The following PFKFB3 variants were observed in gnomAD, a reference collection of about 807,000 sequenced individuals.
PFKFB3 encodes 6-phosphofructo-2-kinase/fructose-2,6-bisphosphatase 3.
PFKFB3 carries 33 observed loss-of-function variants against 68.0 expected under a neutral mutation model. The observed-to-expected ratio is 0.49, with a 90% CI of 0.37 to 0.65. The LOEUF (loss-of-function observed/expected upper bound fraction) is 0.65. Ranked by LOEUF, PFKFB3 falls within the 30% of genes least tolerant of loss-of-function variation. PFKFB3 has a pLI of 0.00. For synonymous variants in PFKFB3, 315 were observed against 288.2 expected (o/e 1.09, Z -0.94); for missense variants, 586 against 712.2 (o/e 0.82, Z 2.02).
intron 1 of PFKFB3, among the ~76,000 whole-genome samples, chr10:6,148,328 G>C (rs1285522002): frequency 6.6e-6 from 1 of 152,236 alleles, no homozygotes; most frequent in African/African-American, 2.4e-5. Flanking sequence ...GGAGCCAGAG[G>C]GACTTAGACC....
In PFKFB3 at chr10:6,155,474, G is replaced by C. The variant is rs34121092; in HGVS notation, c.16+10461G>C. ...CCGTCTCAGCCTCCCAAAGTGCTGG[G>C]ATTACAGGCGTGAGCCACCGCACCT... is the stretch of plus-strand genomic sequence containing the variant. On this transcript the variant is annotated intron_variant, in intron 1 of 14. Transcript: ENST00000379789. Among the ~76,000 whole-genome samples the C allele has an allele frequency of 5.1e-3, 780 of 152,240 alleles. 13 individuals carry two copies. The highest frequency in any genetic ancestry group is 6.1e-3 in the Non-Finnish European group (413 of 67,998).
intron 1 of PFKFB3, among the ~76,000 whole-genome samples, chr10:6,212,270 C>T (rs1844281358): frequency 6.6e-6 from 1 of 152,240 alleles, no homozygotes; most frequent in South Asian, 2.1e-4. Flanking sequence ...CTCCCAGGGC[C>T]AGGCGACAGC....
chr10:6,154,568 A>G lies in PFKFB3; in HGVS notation c.16+9555A>G, dbSNP rs977945755. On this transcript the variant is annotated intron_variant, in intron 1 of 14. Coordinates refer to the PFKFB3 transcript ENST00000379789. The surrounding 1 kb of genome is among the most constrained non-coding windows in gnomAD (Gnocchi z 4.6). ...TGGTGGGCTGAATTAACGTGACACC[A>G]TAAAACGTCTCCGCCACGGGTGGCT... is the stretch of plus-strand genomic sequence containing the variant. Among the ~76,000 whole-genome samples the G allele has an allele frequency of 2.6e-5, 4 of 152,152 alleles. No homozygotes were observed. Among genetic ancestry groups the G allele is most frequent in the African/African-American group, 9.7e-5 (4 of 41,436 alleles).
At chr10:6,298,993 A>T in the PFKFB3 span, among the ~76,000 whole-genome samples, 1 of 152,216 alleles carries the variant, frequency 6.6e-6, no homozygotes, top group East Asian at 1.9e-4. Context: ...ATGCTGGTGC[A>T]TCCTGATTTC....
intron 6 of PFKFB3, among the ~76,000 whole-genome samples, chr10:6,218,358 A>T (rs36147125): frequency 0.1 from 14,172 of 137,564 alleles, 960 homozygotes; most frequent in East Asian, 0.26. Flanking sequence ...TTTTTTTTTT[A>T]AATTGTGGTA....
At chr10:6,147,764 C>T (rs773419416) in intron 1 of PFKFB3, among the ~76,000 whole-genome samples, 8 of 151,062 alleles carry the variant, frequency 5.3e-5, no homozygotes, top group Admixed American at 3.9e-4. Flanking sequence ...GGGAGCCTGA[C>T]GGGGTGGTCC....
chr10:6,172,641 A>T (rs557003518), intron 1 of PFKFB3, among the ~76,000 whole-genome samples: 1 of 152,076 alleles, frequency 6.6e-6, no homozygotes, highest in East Asian at 1.9e-4. Flanking sequence ...GAGCAACATG[A>T]TGAGACCCCA....
chr10:6,167,339 T>C (rs1447738641), intron 1 of PFKFB3, among the ~76,000 whole-genome samples: 1 of 152,220 alleles, frequency 6.6e-6, no homozygotes, highest in Non-Finnish European at 1.5e-5. Context: ...CGGTCCTCAG[T>C]GTCTGTCTGA....
At chr10:6,201,984 C>T (rs2131853266), upstream of PFKFB3, among the ~76,000 whole-genome samples, 1 of 152,332 alleles carries the variant, frequency 6.6e-6, no homozygotes, top group Middle Eastern at 3.4e-3. The surrounding 1 kb of genome is among the most constrained non-coding windows in gnomAD (Gnocchi z 4.1). Flanking sequence ...GCAGGGTGTG[C>T]AGGATAACGG....
intron 8 of PFKFB3, 108 bp from the exon 9 acceptor site, chr10:6,221,273 G>C: frequency 1.5e-6 from 2 of 1,368,110 alleles, no homozygotes; most frequent in Non-Finnish European, 9.9e-7. Flanking sequence ...GGGCCCCCAC[G>C]GTGTAACCAG....
At chr10:6,198,245 CA>C (rs58649656), upstream of PFKFB3, among the ~76,000 whole-genome samples, 75,480 of 114,184 alleles carry the variant, frequency 0.66, 24,882 homozygotes, top group Middle Eastern at 0.79. Flanking sequence ...GACTCCGTCT[CA>C]AAAAAAAAAA....
chr10:6,228,629 C>T lies in PFKFB3; in HGVS notation c.1515+2264C>T, dbSNP rs561214850. On this transcript the variant is annotated intron_variant, in intron 14 of 14. Transcript: ENST00000379775. This position sits in a 1 kb window ranked among gnomAD's most constrained non-coding sequence, Gnocchi z 4.5. ...AGCCCCCTCCTGCCCCAGGAGTGTC[C>T]TTTGTTTTGGAAGGAAAACTTACTC... 6.6e-6 allele frequency among the ~76,000 whole-genome samples: 1 copy of T among 152,260 alleles called. No homozygotes were observed. Among genetic ancestry groups the T allele is most frequent in the Non-Finnish European group, 1.5e-5 (1 of 68,032 alleles).
chr10:6,323,768 C>G, the PFKFB3 span, among the ~76,000 whole-genome samples: 1 of 152,142 alleles, frequency 6.6e-6, no homozygotes, highest in African/African-American at 2.4e-5. Context: ...CATGTATTGG[C>G]CGAGATGTAG....
In PFKFB3 at chr10:6,220,674, A is replaced by C. The variant is rs763272837; in HGVS notation, c.640A>C (p.Lys214Gln). ...TCTCTGCAGGGACTTGTCGCTGATC[A>C]AGGTGATTGACGTGGGCCGGAGGTT... is the stretch of plus-strand genomic sequence containing the variant. ...DKCDRDLSLI[K>Q]VIDVGRRFLV... The change falls in exon 8 of 15, where the codon AAG becomes CAG. Residue 214 changes from lysine to glutamine, a missense_variant. Physicochemically the swap from Lys to Gln is moderately conservative, Grantham distance 53. Coordinates refer to ENST00000379775, the MANE Select transcript of PFKFB3 (RefSeq NM_004566.4). The surrounding 1 kb of genome is among the most constrained non-coding windows in gnomAD (Gnocchi z 4.1). 18 of 1,613,682 alleles carry C rather than the reference A, an allele frequency of 1.1e-5. No individual in the cohort carries two copies. Among genetic ancestry groups the C allele is most frequent in the Non-Finnish European group, 1.5e-5 (18 of 1,179,974 alleles).
the PFKFB3 span, among the ~76,000 whole-genome samples, chr10:6,295,442 C>T: frequency 6.6e-6 from 1 of 151,994 alleles, no homozygotes; most frequent in Non-Finnish European, 1.5e-5. Context: ...CCAGGCTGGT[C>T]TTGAACTCCT....
intron 1 of PFKFB3, among the ~76,000 whole-genome samples, chr10:6,155,572 C>A (rs539118075): frequency 4.9e-4 from 75 of 152,260 alleles, no homozygotes; most frequent in African/African-American, 1.7e-3. Context: ...TCTGTCCTTC[C>A]TCCGTTTCCA....
At position 6,215,379 on chromosome 10, in the gene PFKFB3, G is replaced by A. The variant is rs1844502976; in HGVS notation, c.299+62G>A. 1.5e-6 allele frequency: 2 copies of A among 1,303,758 alleles called. No homozygotes were observed. The highest frequency in any genetic ancestry group is 1.5e-5 in the African/African-American group (1 of 68,520). 80.8% of individuals were successfully genotyped at this position (1,303,758 alleles called of 1,614,324 possible). ...GAATAAGGCTGGGCCGCGGGCATAA[G>A]GCTGGGCTGCAGGAGTAAGGCTGGG... On this transcript the variant is annotated intron_variant, in intron 3 of 14. Coordinates refer to ENST00000379775, the MANE Select transcript of PFKFB3 (RefSeq NM_004566.4). The surrounding 1 kb of genome is among the most constrained non-coding windows in gnomAD (Gnocchi z 4.3).
the PFKFB3 span, among the ~76,000 whole-genome samples, chr10:6,303,917 C>T: frequency 6.6e-6 from 1 of 152,038 alleles, no homozygotes; most frequent in African/African-American, 2.4e-5. Context: ...GCTGAAGCTT[C>T]TACGACATGG....
chr10:6,156,494 A>AATTT (rs1841799221), intron 1 of PFKFB3, among the ~76,000 whole-genome samples: 1 of 149,276 alleles, frequency 6.7e-6, no homozygotes, highest in African/African-American at 2.5e-5. Context: ...TAAATTAATT[A>AATTT]ATTAATTAAT....
Sources: allele counts gnomAD v4.1 joint callset (sites outside exome capture counted in the v4.1 genomes callset), GRCh38; gene constraint gnomAD v4.1.1; non-coding constraint Gnocchi (gnomAD v3.1); transcripts MANE v1.5; gene names NCBI Gene and HGNC (gene_info 2026-07-23, HGNC 2026-07-21).